The following ARHGAP24 variants were observed in gnomAD, a reference collection of about 807,000 sequenced individuals.
The protein encoded by ARHGAP24 is Rho GTPase activating protein 24.
ARHGAP24 carries 50 observed loss-of-function variants against 76.4 expected under a neutral mutation model. The observed-to-expected ratio is 0.65, with a 90% confidence interval of 0.52 to 0.83. The LOEUF (loss-of-function observed/expected upper bound fraction) is 0.83. Ranked by LOEUF, ARHGAP24 falls within the 40% of genes least tolerant of loss-of-function variation. The pLI, the probability that ARHGAP24 is intolerant of heterozygous loss-of-function variation, is 0.00. For synonymous variants in ARHGAP24, 345 were observed against 323.3 expected (o/e 1.07, Z -0.72); for missense variants, 930 against 914.2 (o/e 1.02, Z -0.22).
chr4:85,888,538 CTGTT>C (rs755727622), intron 3 of ARHGAP24, among the ~76,000 whole-genome samples: 5 of 151,920 alleles, frequency 3.3e-5, no homozygotes, highest in Admixed American at 1.3e-4. Flanking sequence ...AGTTTAAACT[CTGTT>C]TGTTTGTTTG....
intron 3 of ARHGAP24, among the ~76,000 whole-genome samples, chr4:85,779,451 C>T (rs137944567): frequency 3.4e-4 from 52 of 152,272 alleles, no homozygotes; most frequent in African/African-American, 1.0e-3. Context: ...TCAAGGCTCA[C>T]TAAACTCATC....
At chr4:85,826,392 T>C (rs1729713350) in intron 3 of ARHGAP24, among the ~76,000 whole-genome samples, 1 of 152,172 alleles carries the variant, frequency 6.6e-6, no homozygotes, top group South Asian at 2.1e-4. Flanking sequence ...TGACTAGTCT[T>C]GTTCTGCCTC....
intron 3 of ARHGAP24, among the ~76,000 whole-genome samples, chr4:85,856,677 A>G (rs372406277): frequency 6.6e-6 from 1 of 151,794 alleles, no homozygotes; most frequent in African/African-American, 2.4e-5. Context: ...CACCATGTTG[A>G]CCAAGCTAGT....
At chr4:85,655,899 G>A (rs1302129483) in intron 2 of ARHGAP24, among the ~76,000 whole-genome samples, 5 of 149,700 alleles carry the variant, frequency 3.3e-5, no homozygotes, top group African/African-American at 9.9e-5. Context: ...TACTGTACAC[G>A]TGAATAAAAT....
Position 85,849,757 on chromosome 4 carries a change from T to C in ARHGAP24, c.269-73891T>C, listed in dbSNP as rs545834772. ...TTATGTGATGGATTACGTTTATTGA[T>C]TTGCATATGTTGAACCATCCTTGCA... On this transcript the variant is annotated intron_variant, in intron 3 of 9. Transcript: ENST00000395184. Among the ~76,000 whole-genome samples, 229 of 152,296 alleles carry C rather than the reference T, an allele frequency of 1.5e-3. 2 individuals are homozygous for C. Among genetic ancestry groups the C allele is most frequent in the Non-Finnish European group, 2.8e-3 (190 of 68,016 alleles).
chr4:85,868,141 A>G (rs1039083829), intron 3 of ARHGAP24, among the ~76,000 whole-genome samples: 12 of 152,078 alleles, frequency 7.9e-5, no homozygotes, highest in Admixed American at 5.9e-4. Flanking sequence ...AAGGCAGAAC[A>G]TCTGGAAGCA....
At chr4:85,655,149 A>G (rs551103969) in intron 2 of ARHGAP24, among the ~76,000 whole-genome samples, 1 of 152,270 alleles carries the variant, frequency 6.6e-6, no homozygotes, top group African/African-American at 2.4e-5. Flanking sequence ...GTTTTTTGCT[A>G]CAGCACAGTA....
chr4:85,831,747 C>T (rs987550100), intron 3 of ARHGAP24, among the ~76,000 whole-genome samples: 5 of 151,954 alleles, frequency 3.3e-5, no homozygotes, highest in African/African-American at 1.2e-4. Flanking sequence ...ACTAAAAATA[C>T]AAAAATTAGT....
At chr4:85,590,736 T>A (rs1374959651) in intron 2 of ARHGAP24, among the ~76,000 whole-genome samples, 4 of 152,162 alleles carry the variant, frequency 2.6e-5, no homozygotes, top group Non-Finnish European at 5.9e-5. Context: ...CAAAAGAACA[T>A]ACTTTATAGT....
At chr4:85,957,822 A>G (rs927366155) in intron 5 of ARHGAP24, among the ~76,000 whole-genome samples, 1 of 152,234 alleles carries the variant, frequency 6.6e-6, no homozygotes, top group Non-Finnish European at 1.5e-5. Flanking sequence ...ATGAATGGGT[A>G]TTAACTAAAT....
At chr4:85,949,737 G>T (rs938396952) in intron 5 of ARHGAP24, among the ~76,000 whole-genome samples, 1 of 152,160 alleles carries the variant, frequency 6.6e-6, no homozygotes, top group African/African-American at 2.4e-5. Context: ...TTAAAAAGGG[G>T]AGAAAGCTGA....
chr4:85,649,727 A>G (rs1721863399), intron 2 of ARHGAP24, among the ~76,000 whole-genome samples: 1 of 151,484 alleles, frequency 6.6e-6, no homozygotes, highest in South Asian at 2.1e-4. Context: ...TGGAGTCTTC[A>G]TCTTTCTTCA....
rs548118889 is a variant in ARHGAP24 at position 85,624,914 on chromosome 4, T to C, written c.180+54193T>C. On this transcript the variant is annotated intron_variant, in intron 2 of 9. Transcript: ENST00000395184. ...AGTTTGTATTTCTGTGGGATCGTGGTGATATCCCCTTTCTCATTTTTTATT... is the reference window on the plus strand; with the variant it reads ...AGTTTGTATTTCTGTGGGATCGTGGCGATATCCCCTTTCTCATTTTTTATT... 2.6e-5 allele frequency among the ~76,000 whole-genome samples: 4 copies of C among 152,324 alleles called. No homozygotes were observed. In the East Asian group the frequency reaches 7.7e-4, roughly 29 times the overall value.
At chr4:85,565,997 C>T (rs1726829450) in intron 1 of ARHGAP24, among the ~76,000 whole-genome samples, 1 of 152,132 alleles carries the variant, frequency 6.6e-6, no homozygotes, top group African/African-American at 2.4e-5. Context: ...CAGTTTCCTC[C>T]TCTGGAAAAC....
At chr4:85,880,604 C>T (rs1225980284) in intron 3 of ARHGAP24, among the ~76,000 whole-genome samples, 2 of 152,164 alleles carry the variant, frequency 1.3e-5, no homozygotes, top group African/African-American at 4.8e-5. Flanking sequence ...CCTCTGCTCA[C>T]TGCAAGCTCC....
intron 1 of ARHGAP24, among the ~76,000 whole-genome samples, chr4:85,551,259 A>C (rs1726125929): frequency 3.3e-5 from 5 of 152,270 alleles, no homozygotes; most frequent in Admixed American, 6.5e-5. Flanking sequence ...TTTTATCAAA[A>C]GCCTTTTCTG....
intron 3 of ARHGAP24, among the ~76,000 whole-genome samples, chr4:85,845,784 A>T (rs1030709711): frequency 2.6e-5 from 4 of 152,232 alleles, no homozygotes; most frequent in Non-Finnish European, 4.4e-5. Context: ...ATTGGTGGGT[A>T]TTGGGAGGAT....
chr4:85,887,337 G>T (rs562258032), intron 3 of ARHGAP24, among the ~76,000 whole-genome samples: 15 of 152,070 alleles, frequency 9.9e-5, no homozygotes, highest in Non-Finnish European at 1.5e-4. Context: ...CTCATCCAAG[G>T]TTAATTAATT....
intron 2 of ARHGAP24, among the ~76,000 whole-genome samples, chr4:85,623,633 C>A (rs1463234229): frequency 6.6e-6 from 1 of 151,732 alleles, no homozygotes; most frequent in Non-Finnish European, 1.5e-5. Flanking sequence ...TGAAGAAAGT[C>A]ATTGGTAGCT....
Sources: allele counts gnomAD v4.1 joint callset (sites outside exome capture counted in the v4.1 genomes callset), GRCh38; gene constraint gnomAD v4.1.1; transcripts MANE v1.5; gene names NCBI Gene and HGNC (gene_info 2026-07-23, HGNC 2026-07-21).